ESYT2: variants seen among roughly 807,000 people sequenced by gnomAD.
ESYT2 encodes the protein extended synaptotagmin 2, also known as extended synaptotagmin-2.
ESYT2 carries 54 observed loss-of-function variants against 107.2 expected under a neutral mutation model. That is an observed-to-expected ratio of 0.50 (90% CI 0.40 to 0.63). The LOEUF (loss-of-function observed/expected upper bound fraction) is 0.63. ESYT2 is among the 30% of genes least tolerant of loss of function. The pLI is 0.00. For synonymous variants in ESYT2, 491 were observed against 434.1 expected (o/e 1.13, Z -1.63); for missense variants, 1,020 against 1,094.5 (o/e 0.93, Z 0.96).
At chr7:158,739,384 T>G (rs960155014) in intron 18 of ESYT2, among the ~76,000 whole-genome samples, 3 of 152,218 alleles carry the variant, frequency 2.0e-5, no homozygotes, top group African/African-American at 7.2e-5. Context: ...TTCACTCTTG[T>G]TGCCTAGGCT....
intron 13 of ESYT2, among the ~76,000 whole-genome samples, chr7:158,754,278 C>T (rs1277734564): frequency 6.6e-6 from 1 of 152,186 alleles, no homozygotes; most frequent in Admixed American, 6.5e-5. Flanking sequence ...ACCATCTTGG[C>T]TCACTGCAAC....
intron 1 of ESYT2, among the ~76,000 whole-genome samples, chr7:158,804,765 G>A (rs903386922): frequency 5.3e-5 from 8 of 151,744 alleles, no homozygotes; most frequent in African/African-American, 1.9e-4. Context: ...CGAGAAAGGT[G>A]AGGTGTGTGA....
chr7:158,805,790 C>T (rs1019836406), intron 1 of ESYT2, among the ~76,000 whole-genome samples: 13 of 152,138 alleles, frequency 8.5e-5, no homozygotes, highest in Non-Finnish European at 1.6e-4. Flanking sequence ...CTAGGAAATC[C>T]GAAAAGACAC....
At position 158,734,820 on chromosome 7, in the gene ESYT2, C is replaced by A. The variant is rs141356969; in HGVS notation, c.2506-349G>T. Among the ~76,000 whole-genome samples, 6 of 152,326 alleles carry A rather than the reference C, an allele frequency of 3.9e-5. No individual in the cohort carries two copies. The East Asian group carries it at 1.2e-3, about 29-fold the overall frequency. Reference sequence around the variant, plus strand: ...AACAAATACATAAAGTAGGCTAAGACAATGTCTTTTAGATCTTTTACCACT... The same window carrying A: ...AACAAATACATAAAGTAGGCTAAGAAAATGTCTTTTAGATCTTTTACCACT... On this transcript the variant is annotated intron_variant, in intron 21 of 22. Transcript: ENST00000275418.
chr7:158,787,893 G>T, intron 6 of ESYT2, 111 bp downstream of exon 6: 1 of 783,532 alleles, frequency 1.3e-6, no homozygotes, highest in Non-Finnish European at 2.1e-6. Flanking sequence ...ACAACAGAAA[G>T]GGACAACGGT....
In ESYT2 at chr7:158,733,103, G is replaced by C. The variant is rs951993245; in HGVS notation, c.*1104C>G. ...GAGAACAGCAGGGGCCGGGCTCGCA[G>C]CTGTGGCGCCCCCAACCCTGGTGGT... On this transcript the variant is annotated 3_prime_UTR_variant, in exon 23 of 23. Transcript: ENST00000275418. 1 of 152,252 alleles carries C rather than the reference G, an allele frequency of 6.6e-6. No homozygotes were observed. The highest frequency in any genetic ancestry group is 2.4e-5 in the African/African-American group (1 of 41,468). 9.4% of individuals were successfully genotyped at this position (152,252 alleles called of 1,614,324 possible). A position where few individuals can be genotyped will look rare whatever the true frequency, so the allele number is the denominator to read the frequency against.
intron 10 of ESYT2, among the ~76,000 whole-genome samples, chr7:158,762,754 A>C (rs1219274035): frequency 1.3e-5 from 2 of 152,252 alleles, no homozygotes; most frequent in Non-Finnish European, 2.9e-5. Flanking sequence ...AGAACTCAAT[A>C]CGGCGGCAGG....
chr7:158,829,477 C>T lies in ESYT2; in HGVS notation c.-59G>A. 1 of 1,214,294 alleles carries T rather than the reference C, an allele frequency of 8.2e-7. No homozygotes were observed. The highest frequency in any genetic ancestry group is 1.0e-6 in the Non-Finnish European group (1 of 977,370). The allele number at this position is 1,214,294 out of a possible 1,614,324, so 75.2% of individuals were successfully genotyped here. On this transcript the variant is annotated 5_prime_UTR_variant, in exon 1 of 23. Coordinates refer to ENST00000275418, the MANE Select transcript of ESYT2 (RefSeq NM_001367773.1). Reference sequence around the variant, plus strand: ...GGCGGGCTGGGTGCTCGCGCTGATCCCGGGCGGCTCAGCCCCGCGCCAGCG... The same window carrying T: ...GGCGGGCTGGGTGCTCGCGCTGATCTCGGGCGGCTCAGCCCCGCGCCAGCG...
chr7:158,822,444 A>ATATAG (rs1245438770), intron 1 of ESYT2, among the ~76,000 whole-genome samples: 1 of 152,156 alleles, frequency 6.6e-6, no homozygotes, highest in Non-Finnish European at 1.5e-5. Flanking sequence ...GTTTAAGCCA[A>ATATAG]TATAGTATAG....
chr7:158,737,164 G>C lies in ESYT2; in HGVS notation c.2283C>G (p.Phe761Leu), dbSNP rs766140607. 6.2e-7 allele frequency: 1 copy of C among 1,613,806 alleles called. No individual in the cohort carries two copies. The highest frequency in any genetic ancestry group is 1.1e-5 in the South Asian group (1 of 91,066). ...CATAGGGGTCAGAGCCGTCTTCAGA[G>C]AAGGCAATGAGGTTTCTTACAACAC... ...VVHACRNLIA[F>L]SEDGSDPYVR... Residue 761 changes from phenylalanine (F) to leucine (L), a missense_variant, in exon 20 of 23, where the codon TTC becomes TTG. Physicochemically the swap from Phe to Leu is conservative, Grantham distance 22. Transcript: ENST00000275418.
chr7:158,785,084 A>G (rs1839062138), intron 6 of ESYT2, among the ~76,000 whole-genome samples: 1 of 152,242 alleles, frequency 6.6e-6, no homozygotes, highest in Admixed American at 6.5e-5. Context: ...CAATTGGTTG[A>G]GTTCTTACCA....
intron 1 of ESYT2, among the ~76,000 whole-genome samples, chr7:158,812,742 T>C (rs941639406): frequency 6.6e-6 from 1 of 152,178 alleles, no homozygotes; most frequent in Non-Finnish European, 1.5e-5. Context: ...TACCGGAATA[T>C]TCAGCCTTAA....
At chr7:158,802,207 A>C (rs914569520) in intron 1 of ESYT2, among the ~76,000 whole-genome samples, 1 of 152,218 alleles carries the variant, frequency 6.6e-6, no homozygotes, top group Non-Finnish European at 1.5e-5. Context: ...TTCAAACAAC[A>C]TTCCCCTTGA....
chr7:158,783,496 C>A (rs1838999372), intron 6 of ESYT2, among the ~76,000 whole-genome samples: 1 of 152,164 alleles, frequency 6.6e-6, no homozygotes, highest in Non-Finnish European at 1.5e-5. Flanking sequence ...TGGTAAAGTT[C>A]AAAAATGTTT....
chr7:158,742,595 C>T (rs969440031), intron 17 of ESYT2, among the ~76,000 whole-genome samples: 4 of 152,338 alleles, frequency 2.6e-5, no homozygotes, highest in East Asian at 1.9e-4. Context: ...ACCCCAACAA[C>T]CTGACATGAG....
chr7:158,824,424 A>G (rs1840377112), intron 1 of ESYT2, among the ~76,000 whole-genome samples: 1 of 152,230 alleles, frequency 6.6e-6, no homozygotes, highest in African/African-American at 2.4e-5. Context: ...CACTGAGAAT[A>G]AAAAAATATT....
chr7:158,753,788 G>A (rs888227583), intron 13 of ESYT2, among the ~76,000 whole-genome samples: 2 of 151,864 alleles, frequency 1.3e-5, no homozygotes, highest in Non-Finnish European at 2.9e-5. Flanking sequence ...CACTGCGTCC[G>A]TCTCTAGGTG....
At chr7:158,825,748 G>A (rs1840420933) in intron 1 of ESYT2, among the ~76,000 whole-genome samples, 1 of 152,168 alleles carries the variant, frequency 6.6e-6, no homozygotes, top group Non-Finnish European at 1.5e-5. Context: ...TTTCCACTCT[G>A]CCATGAATTC....
intron 11 of ESYT2, 47 bp downstream of exon 11, chr7:158,761,449 G>C (rs1265384792): frequency 6.3e-7 from 1 of 1,583,204 alleles, no homozygotes. Flanking sequence ...ACAGGGCAGG[G>C]ACTCAGTCAA....
Sources: gnomAD v4.1 joint callset for allele counts (sites outside exome capture counted in the v4.1 genomes callset) on GRCh38, gnomAD v4.1.1 for gene constraint, MANE v1.5 for transcripts, NCBI Gene and HGNC (gene_info 2026-07-23, HGNC 2026-07-21) for gene names.